LPP: variants seen among roughly 807,000 people sequenced by gnomAD.
LPP encodes the protein LIM domain containing preferred translocation partner in lipoma.
A neutral mutation model predicts 60.4 loss-of-function variants in LPP; 38 were observed. That is an observed-to-expected ratio of 0.63 (90% CI 0.49 to 0.83). The LOEUF (loss-of-function observed/expected upper bound fraction) is 0.83, where lower values mean the gene tolerates loss of function less well. Ranked by LOEUF, LPP falls within the 40% of genes least tolerant of loss-of-function variation. LPP has a pLI of 0.00. For synonymous variants in LPP, 328 were observed against 290.8 expected (o/e 1.13, Z -1.30); for missense variants, 902 against 783.6 (o/e 1.15, Z -1.80).
intron 6 of LPP, chr3:188,554,245 G>A (rs1828930010): frequency 6.6e-6 from 1 of 152,012 alleles, no homozygotes; most frequent in South Asian, 2.1e-4. Flanking sequence ...CCACTGTGGT[G>A]CATGGAGAGG....
intron 9 of LPP, among the ~76,000 whole-genome samples, chr3:188,834,997 T>C (rs935539702): frequency 2.6e-5 from 4 of 152,306 alleles, no homozygotes; most frequent in African/African-American, 9.6e-5. Context: ...TGGGAAGAGC[T>C]TGTGGCAGAA....
intron 7 of LPP, among the ~76,000 whole-genome samples, chr3:188,646,308 T>C (rs1300486742): frequency 6.6e-6 from 1 of 152,168 alleles, no homozygotes; most frequent in Non-Finnish European, 1.5e-5. Flanking sequence ...GAGCATAATA[T>C]GGTAAACAGA....
At chr3:188,467,328 A>C (rs988354022) in intron 4 of LPP, among the ~76,000 whole-genome samples, 1 of 152,112 alleles carries the variant, frequency 6.6e-6, no homozygotes, top group African/African-American at 2.4e-5. Flanking sequence ...ATTATAAAGA[A>C]ATTCTTAGAA....
intron 6 of LPP, among the ~76,000 whole-genome samples, chr3:188,548,123 A>G (rs1172864344): frequency 6.6e-6 from 1 of 152,204 alleles, no homozygotes; most frequent in African/African-American, 2.4e-5. Context: ...CCAGCCCCTG[A>G]GACTGTAACA....
At chr3:188,191,066 C>A (rs972510301) in intron 1 of LPP, among the ~76,000 whole-genome samples, 4 of 152,116 alleles carry the variant, frequency 2.6e-5, no homozygotes, top group Non-Finnish European at 5.9e-5. Context: ...CCCATCTCTA[C>A]TAAAAATACA....
At chr3:188,520,940 G>A (rs1818691429) in intron 5 of LPP, among the ~76,000 whole-genome samples, 1 of 152,128 alleles carries the variant, frequency 6.6e-6, no homozygotes, top group South Asian at 2.1e-4. Context: ...ATAGGATTCT[G>A]TTGCTTGGTT....
chr3:188,422,913 T>G (rs1392556189), intron 4 of LPP, among the ~76,000 whole-genome samples: 4 of 133,874 alleles, frequency 3.0e-5, no homozygotes, highest in East Asian at 2.2e-4. Context: ...GGTGTCTTCT[T>G]TGTGTGTGTG....
At chr3:188,468,089 C>T (rs1445826465) in intron 4 of LPP, among the ~76,000 whole-genome samples, 1 of 152,064 alleles carries the variant, frequency 6.6e-6, no homozygotes, top group African/African-American at 2.4e-5. Flanking sequence ...AGTCCATTTC[C>T]ATATGAAAAG....
At chr3:188,813,976 G>T (rs954918419) in intron 9 of LPP, among the ~76,000 whole-genome samples, 14 of 152,104 alleles carry the variant, frequency 9.2e-5, no homozygotes, top group African/African-American at 3.4e-4. Context: ...GGAGGCTGAG[G>T]CAGGACAATC....
chr3:188,356,391 A>T (rs1767620770), intron 3 of LPP, among the ~76,000 whole-genome samples: 1 of 152,160 alleles, frequency 6.6e-6, no homozygotes, highest in South Asian at 2.1e-4. Context: ...AGATCAGTGA[A>T]TTTTTAAACT....
chr3:188,537,316 T>G (rs1823898635), intron 6 of LPP, among the ~76,000 whole-genome samples: 1 of 151,842 alleles, frequency 6.6e-6, no homozygotes, highest in Admixed American at 6.6e-5. Context: ...CTTTCTAGCA[T>G]TATTGATCGT....
chr3:188,371,616 A>AATATTTAT (rs1773104401), intron 3 of LPP, among the ~76,000 whole-genome samples: 1 of 24,376 alleles, frequency 4.1e-5, no homozygotes, highest in South Asian at 3.8e-3. Flanking sequence ...GTGGTGGGAA[A>AATATTTAT]ATATATATAT....
intron 8 of LPP, among the ~76,000 whole-genome samples, chr3:188,732,936 C>G (rs1281203545): frequency 2.0e-5 from 3 of 151,860 alleles, no homozygotes; most frequent in Non-Finnish European, 4.4e-5. Flanking sequence ...ATTCTGTCAT[C>G]TCACCTTAGT....
At chr3:188,579,211 C>G (rs115150029) in intron 6 of LPP, among the ~76,000 whole-genome samples, 2,062 of 152,208 alleles carry the variant, frequency 0.014, 26 homozygotes, top group Admixed American at 0.022. Flanking sequence ...CAAAAGCATC[C>G]CAGGGGATTT....
intron 9 of LPP, among the ~76,000 whole-genome samples, chr3:188,765,862 T>C (rs13087686): frequency 0.01 from 235 of 22,390 alleles, 1 homozygote; most frequent in South Asian, 0.023. Flanking sequence ...TGTTCAACTC[T>C]TTTTTTTTTT....
chr3:188,565,956 A>G (rs1380432447), intron 6 of LPP, among the ~76,000 whole-genome samples: 5 of 151,938 alleles, frequency 3.3e-5, no homozygotes, highest in Admixed American at 6.6e-5. Flanking sequence ...AGGAGATTGC[A>G]CAGTGTCACT....
intron 6 of LPP, among the ~76,000 whole-genome samples, chr3:188,526,072 A>G (rs527629705): frequency 5.3e-5 from 8 of 152,284 alleles, no homozygotes; most frequent in South Asian, 2.1e-4. Context: ...TGTAGTTGCA[A>G]ACGCTAGAGA....
intron 6 of LPP, among the ~76,000 whole-genome samples, chr3:188,564,172 C>A (rs913964463): frequency 6.6e-5 from 10 of 151,922 alleles, no homozygotes; most frequent in African/African-American, 1.7e-4. Context: ...TAATTGAATT[C>A]TCTATACTGA....
At chr3:188,462,618 G>A (rs1271961767) in intron 4 of LPP, among the ~76,000 whole-genome samples, 1 of 128,780 alleles carries the variant, frequency 7.8e-6, no homozygotes, top group African/African-American at 2.8e-5. Flanking sequence ...GTGTGTGTGT[G>A]TGTGTGTGTG....
Sources: gnomAD v4.1 joint callset for allele counts (sites outside exome capture counted in the v4.1 genomes callset) on GRCh38, gnomAD v4.1.1 for gene constraint, MANE v1.5 for transcripts, NCBI Gene and HGNC (gene_info 2026-07-23, HGNC 2026-07-21) for gene names.